Variants in H2BN1 observed in about 807,000 individuals in gnomAD.
The protein encoded by H2BN1 is H2B.N variant histone 1, also known as histone H2B.N.
the H2BN1 span, among the ~76,000 whole-genome samples, chr17:32,903,597 G>C: frequency 6.6e-6 from 1 of 152,168 alleles, no homozygotes; most frequent in Non-Finnish European, 1.5e-5. Flanking sequence ...GAATATGTTG[G>C]ATCTAAACAG....
chr17:32,905,952 T>A, the H2BN1 span, among the ~76,000 whole-genome samples: 1 of 152,170 alleles, frequency 6.6e-6, no homozygotes, highest in African/African-American at 2.4e-5. Context: ...TATTTTGGGG[T>A]CCCAAGGTTT....
the H2BN1 span, among the ~76,000 whole-genome samples, chr17:32,897,742 G>A: frequency 6.6e-6 from 1 of 152,214 alleles, no homozygotes; most frequent in Non-Finnish European, 1.5e-5. Context: ...CAGATGAACA[G>A]TGGGGTGGAG....
chr17:32,895,691 C>T, the H2BN1 span, among the ~76,000 whole-genome samples: 2 of 152,174 alleles, frequency 1.3e-5, no homozygotes, highest in Non-Finnish European at 2.9e-5. Context: ...TTGACTTCAA[C>T]TTACTGTGAT....
At chr17:32,903,176 T>C in the H2BN1 span, among the ~76,000 whole-genome samples, 2 of 151,518 alleles carry the variant, frequency 1.3e-5, no homozygotes, top group Non-Finnish European at 2.9e-5. Context: ...TTTATATATT[T>C]TCAGTAGTGA....
At chr17:32,897,058 G>A in the H2BN1 span, among the ~76,000 whole-genome samples, 1 of 152,138 alleles carries the variant, frequency 6.6e-6, no homozygotes, top group Non-Finnish European at 1.5e-5. Flanking sequence ...GTCTGTGGCT[G>A]GAGTCACTGT....
the H2BN1 span, among the ~76,000 whole-genome samples, chr17:32,905,013 G>A: frequency 6.6e-6 from 1 of 152,122 alleles, no homozygotes; most frequent in Non-Finnish European, 1.5e-5. Flanking sequence ...AGACCAGCTG[G>A]TTGTTGAACT....
the H2BN1 span, among the ~76,000 whole-genome samples, chr17:32,896,908 C>T: frequency 6.6e-6 from 1 of 152,196 alleles, no homozygotes; most frequent in African/African-American, 2.4e-5. Flanking sequence ...GCCTGTAGGG[C>T]TGGTAGGACC....
the H2BN1 span, among the ~76,000 whole-genome samples, chr17:32,906,003 CT>C: frequency 1.3e-5 from 2 of 152,178 alleles, no homozygotes; most frequent in Admixed American, 1.3e-4. Flanking sequence ...CATCAAATGC[CT>C]GTCGTTGCCC....
At chr17:32,899,431 G>A in the H2BN1 span, among the ~76,000 whole-genome samples, 1 of 152,146 alleles carries the variant, frequency 6.6e-6, no homozygotes, top group Non-Finnish European at 1.5e-5. Flanking sequence ...TCATAAGTCA[G>A]CCTGGCTGAA....
chr17:32,895,790 C>A, the H2BN1 span, among the ~76,000 whole-genome samples: 5 of 152,202 alleles, frequency 3.3e-5, no homozygotes, highest in African/African-American at 9.6e-5. Context: ...TGTCTTCTCT[C>A]GCTTCGTTTT....
the H2BN1 span, among the ~76,000 whole-genome samples, chr17:32,897,622 G>A: frequency 2.0e-5 from 3 of 152,206 alleles, no homozygotes; most frequent in South Asian, 6.2e-4. Context: ...GAGGAACTTA[G>A]TAAGTGTGTG....
the H2BN1 span, among the ~76,000 whole-genome samples, chr17:32,902,071 C>T: frequency 2.6e-4 from 40 of 151,544 alleles, no homozygotes; most frequent in South Asian, 1.9e-3. Context: ...CTAAATCTAC[C>T]GTACAAGACT....
At chr17:32,900,764 G>A in the H2BN1 span, among the ~76,000 whole-genome samples, 1 of 151,912 alleles carries the variant, frequency 6.6e-6, no homozygotes, top group Non-Finnish European at 1.5e-5. Flanking sequence ...TGTATTTTTA[G>A]TAGAGACAGA....
the H2BN1 span, among the ~76,000 whole-genome samples, chr17:32,896,882 GA>G: frequency 6.6e-6 from 1 of 152,202 alleles, no homozygotes; most frequent in Admixed American, 6.5e-5. Flanking sequence ...CCCCAGTGGA[GA>G]ACCCCTGCTC....
chr17:32,903,597 G>A, the H2BN1 span, among the ~76,000 whole-genome samples: 1 of 152,168 alleles, frequency 6.6e-6, no homozygotes, highest in East Asian at 1.9e-4. Flanking sequence ...GAATATGTTG[G>A]ATCTAAACAG....
At chr17:32,903,405 A>G in the H2BN1 span, among the ~76,000 whole-genome samples, 6 of 152,274 alleles carry the variant, frequency 3.9e-5, no homozygotes, top group Admixed American at 6.5e-5. Context: ...TAATGGCAAA[A>G]TTTACATCGT....
the H2BN1 span, among the ~76,000 whole-genome samples, chr17:32,904,346 C>T: frequency 6.6e-6 from 1 of 152,126 alleles, no homozygotes; most frequent in African/African-American, 2.4e-5. Flanking sequence ...AATGCATCTC[C>T]GAACTAGAAT....
chr17:32,895,954 T>C, the H2BN1 span, among the ~76,000 whole-genome samples: 2 of 152,228 alleles, frequency 1.3e-5, no homozygotes, highest in South Asian at 2.1e-4. Flanking sequence ...CTATAGTGCA[T>C]TGTTGCAATC....
At chr17:32,903,349 A>G in the H2BN1 span, among the ~76,000 whole-genome samples, 2 of 152,160 alleles carry the variant, frequency 1.3e-5, no homozygotes, top group African/African-American at 2.4e-5. Flanking sequence ...TGTCAGTTAA[A>G]TAGTCTTAAA....
Sources: allele counts gnomAD v4.1 joint callset (sites outside exome capture counted in the v4.1 genomes callset), GRCh38; gene constraint gnomAD v4.1.1; transcripts MANE v1.5; gene names NCBI Gene and HGNC (gene_info 2026-07-23, HGNC 2026-07-21).